Variants in TEX9 observed in about 807,000 individuals in gnomAD.
TEX9 encodes the protein testis expressed 9.
Under a neutral mutation model 59.6 loss-of-function variants are expected in TEX9, and 74 were observed. That is an observed-to-expected ratio of 1.24 (90% CI 1.03 to 1.51). TEX9 has a LOEUF of 1.51. Ranked by LOEUF, TEX9 falls within the 40% of genes most tolerant of loss-of-function variation. The pLI is 0.00. For missense variants in TEX9, 522 were observed against 447.8 expected (o/e 1.17, Z -1.49); for synonymous variants, 186 against 152.2 (o/e 1.22, Z -1.64).
chr15:56,438,998 C>T (rs1223041132), intron 12 of TEX9, among the ~76,000 whole-genome samples: 1 of 151,918 alleles, frequency 6.6e-6, no homozygotes, highest in Admixed American at 6.6e-5. Context: ...GTATACAGAT[C>T]AGAAAGGAAG....
At chr15:56,300,807 T>C (rs1364056462) in intron 1 of TEX9, among the ~76,000 whole-genome samples, 1 of 151,626 alleles carries the variant, frequency 6.6e-6, no homozygotes, top group Non-Finnish European at 1.5e-5. Context: ...CTAATGTAGA[T>C]ATAGCTGCAG....
intron 12 of TEX9, chr15:56,444,468 C>A: frequency 6.2e-7 from 1 of 1,607,462 alleles, no homozygotes; most frequent in Non-Finnish European, 8.5e-7. Context: ...ATAGATCTTC[C>A]TAACAATTTC....
intron 1 of TEX9, among the ~76,000 whole-genome samples, chr15:56,272,370 A>T (rs543399889): frequency 6.6e-6 from 1 of 152,306 alleles, no homozygotes; most frequent in African/African-American, 2.4e-5. Context: ...GCAATGTACA[A>T]CATGTGGCCT....
chr15:56,335,361 A>T (rs912646537), intron 1 of TEX9, among the ~76,000 whole-genome samples: 1 of 152,188 alleles, frequency 6.6e-6, no homozygotes, highest in Non-Finnish European at 1.5e-5. Context: ...AAATGGATGG[A>T]ACTGGAGGTC....
intron 12 of TEX9, among the ~76,000 whole-genome samples, chr15:56,445,502 G>A (rs1031846011): frequency 6.6e-6 from 1 of 151,980 alleles, no homozygotes; most frequent in Non-Finnish European, 1.5e-5. Flanking sequence ...CATTCCTGAC[G>A]TCACTGAAGC....
At chr15:56,434,250 T>C (rs1429582750) in intron 12 of TEX9, 2 of 1,613,946 alleles carry the variant, frequency 1.2e-6, no homozygotes, top group Admixed American at 3.3e-5. Flanking sequence ...TATTCGATCA[T>C]CCTCAGCAAA....
At chr15:56,423,627 A>G (rs1388233087) in intron 10 of TEX9, among the ~76,000 whole-genome samples, 3 of 152,022 alleles carry the variant, frequency 2.0e-5, no homozygotes, top group African/African-American at 7.2e-5. Flanking sequence ...CAATTTTGCA[A>G]TTTTATCACC....
intron 1 of TEX9, among the ~76,000 whole-genome samples, chr15:56,282,442 G>A (rs1466466878): frequency 6.6e-6 from 1 of 152,066 alleles, no homozygotes; most frequent in Non-Finnish European, 1.5e-5. Flanking sequence ...TAGACATAAT[G>A]CTAGGGTGTC....
chr15:56,408,522 T>A (rs2049187568), intron 9 of TEX9: 1 of 152,216 alleles, frequency 6.6e-6, no homozygotes, highest in Non-Finnish European at 1.5e-5. Context: ...ACGTTGATCA[T>A]CCTCACATTT....
chr15:56,446,232 G>A (rs2050901436), downstream of TEX9, among the ~76,000 whole-genome samples: 1 of 151,916 alleles, frequency 6.6e-6, no homozygotes, highest in African/African-American at 2.4e-5. Flanking sequence ...CCTTCTGTTT[G>A]ATAATGAGAG....
the TEX9 span, chr15:56,456,312 A>C: frequency 7.7e-7 from 1 of 1,306,910 alleles, no homozygotes; most frequent in Non-Finnish European, 1.0e-6. Flanking sequence ...TAAACAAAGA[A>C]ATTTCACTTT....
rs1056233309 is a variant in TEX9 at position 56,428,362 on chromosome 15, A to G, written c.1099-5A>G. ...ATCAGACAATATTGATTTTTTTTTT[A>G]ACAGATGCATATTGAAGCTGCCAAG... is the stretch of plus-strand genomic sequence containing the variant. On this transcript the variant is annotated splice_polypyrimidine_tract_variant and splice_region_variant and intron_variant, in intron 11 of 12. Transcript: ENST00000352903. 1.2e-6 allele frequency: 2 copies of G among 1,606,014 alleles called. No individual in the cohort carries two copies. Among genetic ancestry groups the G allele is most frequent in the African/African-American group, 2.7e-5 (2 of 74,654 alleles).
exon 11 of TEX9, chr15:56,427,640 G>T: frequency 6.5e-7 from 1 of 1,548,154 alleles, no homozygotes; most frequent in Non-Finnish European, 8.7e-7. Context: ...AAATTGAAGT[G>T]TTAAAATCAG....
intron 1 of TEX9, among the ~76,000 whole-genome samples, chr15:56,342,352 T>C (rs2046387972): frequency 6.6e-6 from 1 of 152,152 alleles, no homozygotes; most frequent in South Asian, 2.1e-4. Context: ...CATGGCTACC[T>C]CTACTCAGTT....
At chr15:56,388,727 A>C (rs1217110759) in intron 5 of TEX9, among the ~76,000 whole-genome samples, 2 of 151,936 alleles carry the variant, frequency 1.3e-5, no homozygotes, top group African/African-American at 4.8e-5. Flanking sequence ...AATAATTTGG[A>C]GGTATAGTGG....
chr15:56,292,393 A>G (rs2718949), intron 1 of TEX9, among the ~76,000 whole-genome samples: 148,599 of 152,262 alleles, frequency 0.98, 72,626 homozygotes, highest in East Asian at 1. Flanking sequence ...GATATATATG[A>G]GGGAAGGAAG....
chr15:56,248,696 T>C (rs1402060999), intron 1 of TEX9: 1 of 152,244 alleles, frequency 6.6e-6, no homozygotes, highest in African/African-American at 2.4e-5. Flanking sequence ...GTGTTTACTT[T>C]AACTTGGGCC....
rs546811091 is a variant in TEX9, at chr15:56,391,413, G to T, written c.566G>T (p.Gly189Val). ...TTTTCTGGTGTTAGTAATGACATTG[G>T]AACAGGTAGATTTTCTTTAGTTTTT... The change falls in exon 7 of 13, where the codon GGA becomes GTA. Residue 189 changes from glycine (G) to valine (V), a missense_variant. By Grantham distance (109) the Gly-to-Val change is moderately radical (BLOSUM62 -3). Transcript: ENST00000352903. The T allele has an allele frequency of 3.7e-5, 56 of 1,513,760 alleles. No individual in the cohort carries two copies. In the South Asian group the frequency reaches 7.2e-4, roughly 19 times the overall value. The allele number at this position is 1,513,760 out of a possible 1,614,324, so 93.8% of individuals were successfully genotyped here.
At chr15:56,405,115 G>A (rs911948543) in intron 9 of TEX9, among the ~76,000 whole-genome samples, 3 of 151,898 alleles carry the variant, frequency 2.0e-5, no homozygotes, top group Non-Finnish European at 4.4e-5. Context: ...ATGTACCCTA[G>A]AACTTAAAAG....
Sources: gnomAD v4.1 joint callset for allele counts (sites outside exome capture counted in the v4.1 genomes callset) on GRCh38, gnomAD v4.1.1 for gene constraint, MANE v1.5 for transcripts, NCBI Gene and HGNC (gene_info 2026-07-23, HGNC 2026-07-21) for gene names.